TNFAIP8: variants seen among roughly 807,000 people sequenced by gnomAD.
TNFAIP8 encodes TNF alpha induced protein 8.
In TNFAIP8, 7 loss-of-function variants were observed where a neutral mutation model predicts 13.3. That is an observed-to-expected ratio of 0.52 (90% CI 0.30 to 0.99). The LOEUF is 0.99. TNFAIP8 is among the 50% of genes least tolerant of loss of function. The pLI, the probability that TNFAIP8 is intolerant of heterozygous loss-of-function variation, is 0.07. For synonymous variants in TNFAIP8, 94 were observed against 87.6 expected (o/e 1.07, Z -0.41); for missense variants, 258 against 236.9 (o/e 1.09, Z -0.58).
At chr5:119,294,961 G>T (rs932931619) in intron 1 of TNFAIP8, among the ~76,000 whole-genome samples, 23 of 151,816 alleles carry the variant, frequency 1.5e-4, no homozygotes, top group African/African-American at 5.1e-4. Flanking sequence ...AGATGAGTAG[G>T]TTGCGAAAAT....
At chr5:119,354,495 A>G (rs960975605), upstream of TNFAIP8, 1 of 152,212 alleles carries the variant, frequency 6.6e-6, no homozygotes, top group Admixed American at 6.5e-5. Context: ...TGTGAATAGC[A>G]TAAGCACTCT....
intron 1 of TNFAIP8, among the ~76,000 whole-genome samples, chr5:119,309,299 A>T (rs2112667351): frequency 6.6e-6 from 1 of 152,344 alleles, no homozygotes; most frequent in Admixed American, 6.5e-5. Flanking sequence ...CCTTTGGAAG[A>T]CACTTACCAT....
rs116777599 is a variant in TNFAIP8 at position 119,308,067 on chromosome 5, A to G, written c.1+39160A>G. Among the ~76,000 whole-genome samples the G allele has an allele frequency of 2.4e-3, 368 of 152,356 alleles. 4 individuals are homozygous for G. Among genetic ancestry groups the G allele is most frequent in the Non-Finnish European group, 2.2e-3 (151 of 68,034 alleles). On this transcript the variant is annotated intron_variant, in intron 1 of 1. Transcript: ENST00000274456. The stretch of plus-strand genomic sequence containing the variant: ...GTTAGAAGTTTATTCTAACCCCTGT[A>G]ATTTACAGATGAGCAAACTTCTTGT...
chr5:119,332,253 A>G (rs893977937), intron 1 of TNFAIP8, among the ~76,000 whole-genome samples: 12 of 152,254 alleles, frequency 7.9e-5, no homozygotes, highest in African/African-American at 1.2e-4. Flanking sequence ...TGAGAACTCT[A>G]TGTGCATCAG....
chr5:119,291,518 C>T (rs536663811), intron 1 of TNFAIP8, among the ~76,000 whole-genome samples: 1 of 152,206 alleles, frequency 6.6e-6, no homozygotes, highest in Non-Finnish European at 1.5e-5. Flanking sequence ...TTTTTAAAAA[C>T]TCATGGATTA....
intron 1 of TNFAIP8, among the ~76,000 whole-genome samples, chr5:119,362,457 A>G (rs1159708928): frequency 6.6e-6 from 1 of 152,152 alleles, no homozygotes; most frequent in Non-Finnish European, 1.5e-5. Flanking sequence ...TTGTCTGTGC[A>G]ACCTTCAATA....
At chr5:119,322,671 G>A (rs1290998860) in intron 1 of TNFAIP8, among the ~76,000 whole-genome samples, 1 of 152,048 alleles carries the variant, frequency 6.6e-6, no homozygotes, top group Non-Finnish European at 1.5e-5. Flanking sequence ...CCCCTCCTTG[G>A]TCTTCTTTGC....
chr5:119,382,509 A>G (rs969125039), intron 1 of TNFAIP8, among the ~76,000 whole-genome samples: 1 of 152,150 alleles, frequency 6.6e-6, no homozygotes, highest in Non-Finnish European at 1.5e-5. Context: ...TGATCATAAG[A>G]CCTGTGGCAT....
chr5:119,387,477 A>G (rs1237072208), intron 1 of TNFAIP8, among the ~76,000 whole-genome samples: 1 of 152,210 alleles, frequency 6.6e-6, no homozygotes, highest in East Asian at 1.9e-4. Context: ...ATTTGAGGGG[A>G]AAAAATTATG....
intron 1 of TNFAIP8, among the ~76,000 whole-genome samples, chr5:119,334,537 C>T (rs1750487093): frequency 6.6e-6 from 1 of 151,322 alleles, no homozygotes; most frequent in African/African-American, 2.4e-5. Flanking sequence ...CCTGACTTCT[C>T]TTGTATGGAA....
intron 1 of TNFAIP8, among the ~76,000 whole-genome samples, chr5:119,311,847 G>T (rs1749743011): frequency 6.6e-6 from 1 of 152,170 alleles, no homozygotes; most frequent in Non-Finnish European, 1.5e-5. Context: ...GGTTTATAGA[G>T]TTTGAGTGTT....
At chr5:119,320,910 CAAA>C (rs1348296016) in intron 1 of TNFAIP8, among the ~76,000 whole-genome samples, 1 of 149,976 alleles carries the variant, frequency 6.7e-6, no homozygotes, top group Non-Finnish European at 1.5e-5. Context: ...AAACGAAAAA[CAAA>C]AAACTAAAAA....
intron 1 of TNFAIP8, among the ~76,000 whole-genome samples, chr5:119,303,901 A>G (rs959531300): frequency 1.3e-5 from 2 of 152,204 alleles, no homozygotes; most frequent in Admixed American, 6.5e-5. Context: ...TTACCTAAGT[A>G]AACATACCCG....
rs577535117 is a variant in TNFAIP8, at chr5:119,396,005, A to G, written c.*2624A>G. 6.6e-6 allele frequency: 1 copy of G among 152,314 alleles called. No individual in the cohort carries two copies. The highest frequency in any genetic ancestry group is 1.5e-5 in the Non-Finnish European group (1 of 68,026). 9.4% of individuals were successfully genotyped at this position (152,314 alleles called of 1,614,324 possible). A position where few individuals can be genotyped will look rare whatever the true frequency, so the allele number is the denominator to read the frequency against. On this transcript the variant is annotated 3_prime_UTR_variant, in exon 2 of 2. Transcript: ENST00000504771. ...GGACAACTAACGCAGAGTAGTTTGTATTATGTGTCGGGCACATTAACTCAT... is the reference window on the plus strand; with the variant it reads ...GGACAACTAACGCAGAGTAGTTTGTGTTATGTGTCGGGCACATTAACTCAT...
intron 1 of TNFAIP8, among the ~76,000 whole-genome samples, chr5:119,278,753 T>C (rs1581563397): frequency 6.6e-6 from 1 of 152,302 alleles, no homozygotes; most frequent in East Asian, 1.9e-4. Flanking sequence ...GAGTTAAAAC[T>C]AACCACCCAT....
intron 1 of TNFAIP8, among the ~76,000 whole-genome samples, chr5:119,390,215 A>G (rs147569666): frequency 3.0e-4 from 45 of 152,332 alleles, no homozygotes; most frequent in African/African-American, 1.0e-3. Flanking sequence ...AAAAAACACA[A>G]TAACATTTCA....
At chr5:119,333,333 C>G in intron 1 of TNFAIP8, 1 of 1,269,992 alleles carries the variant, frequency 7.9e-7, no homozygotes, top group Middle Eastern at 3.0e-4. Flanking sequence ...ATGCATTCCA[C>G]TACAAGTGAC....
At chr5:119,328,244 CTTGTTT>C (rs1277269362) in intron 1 of TNFAIP8, among the ~76,000 whole-genome samples, 1 of 152,186 alleles carries the variant, frequency 6.6e-6, no homozygotes. Flanking sequence ...AACCCTTGCC[CTTGTTT>C]CCAAGAGACA....
At chr5:119,314,671 T>C (rs895610689) in intron 1 of TNFAIP8, among the ~76,000 whole-genome samples, 8 of 152,216 alleles carry the variant, frequency 5.3e-5, no homozygotes, top group African/African-American at 1.9e-4. Flanking sequence ...TGTGTAGTGG[T>C]TAAAAGCATC....
Sources: allele counts gnomAD v4.1 joint callset (sites outside exome capture counted in the v4.1 genomes callset), GRCh38; gene constraint gnomAD v4.1.1; transcripts MANE v1.5; gene names NCBI Gene and HGNC (gene_info 2026-07-23, HGNC 2026-07-21).